Variants in EPHA2 observed in about 807,000 individuals in gnomAD.
EPHA2 encodes the protein EPH receptor A2.
Under a neutral mutation model 104.9 loss-of-function variants are expected in EPHA2, and 54 were observed. The ratio of observed to expected loss-of-function variants is 0.51; its 90% CI spans 0.41 to 0.65. EPHA2 has a LOEUF of 0.65. Among genes scored for constraint, EPHA2 ranks in the 30% least tolerant of loss-of-function variants. The probability of loss-of-function intolerance (pLI) is 0.00; values close to 1 mark genes in which losing one functional copy is unlikely to be tolerated. For missense variants in EPHA2, 1,117 were observed against 1,369.5 expected, an observed-to-expected ratio of 0.82 and a Z score of 2.91; for synonymous variants, 560 against 559.1, an observed-to-expected ratio of 1.00 and a Z score of -0.02.
chr1:16,132,257 A>T lies in EPHA2; in HGVS notation c.2132T>A (p.Phe711Tyr). ...CATGCCCACCAGCTGCAGCACGCTGAACTCGCCATCCTTCTCCTGCCGGAG... is the reference window on the plus strand; with the variant it reads ...CATGCCCACCAGCTGCAGCACGCTGTACTCGCCATCCTTCTCCTGCCGGAG... ...DKFLREKDGE[F>Y]SVLQLVGMLR... The change falls in exon 13 of 17, where the codon TTC (phenylalanine) becomes TAC (tyrosine). Residue 711 changes from phenylalanine to tyrosine, a missense_variant. Physicochemically the swap from Phe to Tyr is conservative, Grantham distance 22. Transcript: ENST00000358432. 1 of 1,614,102 alleles carries T rather than the reference A, an allele frequency of 6.2e-7. No homozygotes were observed. The highest frequency in any genetic ancestry group is 1.3e-5 in the African/African-American group (1 of 75,052).
chr1:16,135,947 T>C lies in EPHA2; in HGVS notation c.1313-177A>G, dbSNP rs1382253329. On this transcript the variant is annotated intron_variant, in intron 5 of 16. Transcript: ENST00000358432. This position sits in a 1 kb window ranked among gnomAD's most constrained non-coding sequence, Gnocchi z 4.3. Reference sequence around the variant, plus strand: ...GTGCAGTGGCATGATCTCGGCCCACTACAGCTTTGAACTCCTGTGCTCAAG... The same window carrying C: ...GTGCAGTGGCATGATCTCGGCCCACCACAGCTTTGAACTCCTGTGCTCAAG... Among the ~76,000 whole-genome samples, 1 of 152,172 alleles carries C rather than the reference T, an allele frequency of 6.6e-6. No individual in the cohort carries two copies. The highest frequency in any genetic ancestry group is 2.4e-5 in the African/African-American group (1 of 41,430).
chr1:16,150,779 G>A lies in EPHA2; in HGVS notation c.153+117C>T. 2 of 1,175,514 alleles carry A rather than the reference G, an allele frequency of 1.7e-6. No individual in the cohort carries two copies. The highest frequency in any genetic ancestry group is 2.3e-5 in the East Asian group (1 of 42,580). 72.8% of individuals were successfully genotyped at this position (1,175,514 alleles called of 1,614,324 possible). A position where few individuals can be genotyped will look rare whatever the true frequency, so the allele number is the denominator to read the frequency against. On this transcript the variant is annotated intron_variant, in intron 2 of 16. Transcript: ENST00000358432. This position sits in a 1 kb window ranked among gnomAD's most constrained non-coding sequence, Gnocchi z 4.8. ...AAGCTGGACCCTGAGCCTGAGACCTGGCTGAGCTGCTGAATTGAAGCCAGG... is the reference window on the plus strand; with the variant it reads ...AAGCTGGACCCTGAGCCTGAGACCTAGCTGAGCTGCTGAATTGAAGCCAGG...
intron 3 of EPHA2, among the ~76,000 whole-genome samples, chr1:16,138,646 T>C (rs987006633): frequency 6.6e-6 from 1 of 152,166 alleles, no homozygotes; most frequent in Non-Finnish European, 1.5e-5. Context: ...TTCACACACA[T>C]GCTGCAAACC....
intron 5 of EPHA2, among the ~76,000 whole-genome samples, chr1:16,136,766 A>AGAAGAAGAAGAAGAG (rs1557507341): frequency 1.3e-5 from 2 of 149,886 alleles, no homozygotes; most frequent in Non-Finnish European, 3.0e-5. Flanking sequence ...AAGAAGAAGA[A>AGAAGAAGAAGAAGAG]GAAGAAGAAC....
In EPHA2 at chr1:16,148,400, C is replaced by G; in HGVS notation, c.801G>C (p.Glu267Asp). The G allele has an allele frequency of 6.2e-7, 1 of 1,613,776 alleles. No homozygotes were observed. The highest frequency in any genetic ancestry group is 1.1e-5 in the South Asian group (1 of 91,088). ...IGQCLCQAGY[E>D]KVEDACQACS... Reference sequence around the variant, plus strand: ...CACCCTGGCAGGCATCCTCCACCTTCTCGTAGCCTGCCTGGCACAGGCACT... The same window carrying G: ...CACCCTGGCAGGCATCCTCCACCTTGTCGTAGCCTGCCTGGCACAGGCACT... Residue 267 changes from glutamate (E) to aspartate (D), a missense_variant, in exon 3 of 17, where the codon GAG becomes GAC. Glu to Asp is a conservative substitution (Grantham distance 45). Coordinates refer to ENST00000358432, the MANE Select transcript of EPHA2 (RefSeq NM_004431.5). The surrounding 1 kb of genome is among the most constrained non-coding windows in gnomAD (Gnocchi z 4.9).
intron 16 of EPHA2, among the ~76,000 whole-genome samples, chr1:16,127,897 G>A (rs1002972783): frequency 1.3e-5 from 2 of 152,180 alleles, no homozygotes; most frequent in Non-Finnish European, 2.9e-5. Context: ...GGAGCACCCT[G>A]GGCTATTTAG....
rs768905364 is a variant in EPHA2 at position 16,148,799 on chromosome 1, G to A, written c.402C>T (p.Phe134=). Residue 134 remains phenylalanine, a synonymous_variant, in exon 3 of 17, where the codon TTC becomes TTT. Transcript: ENST00000358432. The surrounding 1 kb of genome is among the most constrained non-coding windows in gnomAD (Gnocchi z 4.9). ...AESDLDYGTN[F]QKRLFTKIDT... ...CAATCTTGGTGAACAGGCGCTTCTG[G>A]AAGTTGGTGCCGTAGTCCAGGTCCG... 1.2e-6 allele frequency: 2 copies of A among 1,614,154 alleles called. No homozygotes were observed. Among genetic ancestry groups the A allele is most frequent in the South Asian group, 2.2e-5 (2 of 91,090 alleles).
intron 16 of EPHA2, 125 bp downstream of exon 16, chr1:16,129,309 T>C (rs2024527748): frequency 8.1e-7 from 1 of 1,235,670 alleles, no homozygotes; most frequent in African/African-American, 1.5e-5. Context: ...AGGAGCCTCT[T>C]CCCAGAAGAG....
intron 3 of EPHA2, among the ~76,000 whole-genome samples, chr1:16,145,064 C>T (rs551169829): frequency 5.3e-5 from 8 of 152,360 alleles, no homozygotes; most frequent in Admixed American, 2.6e-4. Context: ...CAACTCCCCA[C>T]AACCCCAGCT....
intron 3 of EPHA2, among the ~76,000 whole-genome samples, chr1:16,145,685 G>A (rs1358917993): frequency 6.6e-6 from 1 of 152,062 alleles, no homozygotes; most frequent in Non-Finnish European, 1.5e-5. Flanking sequence ...CCAAGCCCCT[G>A]CAACAGACCC....
rs761494023 is a variant in EPHA2 at position 16,135,701 on chromosome 1, G to A, written c.1382C>T (p.Pro461Leu). 9 of 1,613,748 alleles carry A rather than the reference G, an allele frequency of 5.6e-6. No homozygotes were observed. Among genetic ancestry groups the A allele is most frequent in the African/African-American group, 1.3e-5 (1 of 75,008 alleles). Reference sequence around the variant, plus strand: ...GTACTTCCACACTCGGCTCTGCTGCGGCGGGGGGATGCTCCAGGAGACGCT... The same window carrying A: ...GTACTTCCACACTCGGCTCTGCTGCAGCGGGGGGATGCTCCAGGAGACGCT... Reference protein sequence around the residue: ...SLSVSWSIPPPQQSRVWKYEV... With the variant: ...SLSVSWSIPPLQQSRVWKYEV... The change falls in exon 6 of 17, where the codon CCG becomes CTG. Residue 461 changes from proline (P) to leucine (L), a missense_variant. By Grantham distance (98) the Pro-to-Leu change is moderately conservative (BLOSUM62 -3). Transcript: ENST00000358432. The surrounding 1 kb of genome is among the most constrained non-coding windows in gnomAD (Gnocchi z 4.3).
chr1:16,125,584 G>A lies in EPHA2; in HGVS notation c.2826-264C>T, dbSNP rs960447087. ...AACGACAGAAGCCTCAACTCTGTAC[G>A]ATGCTTTAAAAAAATAAAAATAAAT... On this transcript the variant is annotated intron_variant, in intron 16 of 16. Coordinates refer to ENST00000358432, the MANE Select transcript of EPHA2 (RefSeq NM_004431.5). This position sits in a 1 kb window ranked among gnomAD's most constrained non-coding sequence, Gnocchi z 4.9. Among the ~76,000 whole-genome samples the A allele has an allele frequency of 6.6e-6, 1 of 152,158 alleles. No individual in the cohort carries two copies. The highest frequency in any genetic ancestry group is 2.4e-5 in the African/African-American group (1 of 41,414).
chr1:16,138,325 T>C lies in EPHA2; in HGVS notation c.929A>G (p.Glu310Gly). The C allele has an allele frequency of 6.2e-7, 1 of 1,613,772 alleles. No individual in the cohort carries two copies. Among genetic ancestry groups the C allele is most frequent in the Non-Finnish European group, 8.5e-7 (1 of 1,179,934 alleles). ...SPEGATSCEC[E>G]EGFFRAPQDP... The stretch of plus-strand genomic sequence containing the variant: ...CTGAGGTGCCCGGAAGAAGCCTTCC[T>C]CACACTCGCAGGAGGTGGCACCCTC... The change falls in exon 4 of 17, where the codon GAG becomes GGG. Residue 310 changes from glutamate (E) to glycine (G), a missense_variant. By Grantham distance (98) the Glu-to-Gly change is moderately conservative. Coordinates refer to ENST00000358432, the MANE Select transcript of EPHA2 (RefSeq NM_004431.5).
intron 1 of EPHA2, 62 bp downstream of exon 1, chr1:16,155,786 C>A: frequency 7.9e-7 from 1 of 1,264,822 alleles, no homozygotes; most frequent in South Asian, 2.0e-5. Context: ...CGTCAAGGAG[C>A]GCCGGGCTCT....
At chr1:16,153,934 G>A (rs558583537) in intron 1 of EPHA2, among the ~76,000 whole-genome samples, 26 of 152,132 alleles carry the variant, frequency 1.7e-4, no homozygotes, top group South Asian at 8.3e-4. Flanking sequence ...CTTCTCTAGG[G>A]ACTCTTTCAC....
rs2024641726 is a variant in EPHA2 at position 16,134,415 on chromosome 1, C to T, written c.1682+53G>A. 1.3e-6 allele frequency: 2 copies of T among 1,578,230 alleles called. No homozygotes were observed. Among genetic ancestry groups the T allele is most frequent in the Admixed American group, 1.7e-5 (1 of 59,408 alleles). On this transcript the variant is annotated intron_variant, in intron 8 of 16. Transcript: ENST00000358432. The surrounding 1 kb of genome is among the most constrained non-coding windows in gnomAD (Gnocchi z 4.5). Reference sequence around the variant, plus strand: ...TCAGATGAGGAAATGGAGGTTCCTGCCCCATTTTCCCACCCAAGCCCATGT... The same window carrying T: ...TCAGATGAGGAAATGGAGGTTCCTGTCCCATTTTCCCACCCAAGCCCATGT...
rs1396330580 is a variant in EPHA2, at chr1:16,130,824, T to C, written c.2476-405A>G. ...TTTTAATTTTTTGTAGAGATGGGGTTTCGTCATGTTGTCCAGGCTGGTCTC... is the reference window on the plus strand; with the variant it reads ...TTTTAATTTTTTGTAGAGATGGGGTCTCGTCATGTTGTCCAGGCTGGTCTC... On this transcript the variant is annotated intron_variant, in intron 14 of 16. Transcript: ENST00000358432. The surrounding 1 kb of genome is among the most constrained non-coding windows in gnomAD (Gnocchi z 4.5). Among the ~76,000 whole-genome samples the C allele has an allele frequency of 6.6e-6, 1 of 152,206 alleles. No individual in the cohort carries two copies. The highest frequency in any genetic ancestry group is 3.4e-3 in the Middle Eastern group (1 of 294).
chr1:16,133,143 C>T (rs368913035), intron 11 of EPHA2, 37 bp downstream of exon 11: 3 of 1,610,988 alleles, frequency 1.9e-6, no homozygotes, highest in South Asian at 1.1e-5. Flanking sequence ...GCTAAGTGGC[C>T]CCTCTCCACC....
intron 1 of EPHA2, among the ~76,000 whole-genome samples, chr1:16,155,050 C>T (rs2025126357): frequency 6.6e-6 from 1 of 152,116 alleles, no homozygotes; most frequent in South Asian, 2.1e-4. Flanking sequence ...TCCGGGAACA[C>T]TGGGGCGGGG....
Sources: allele counts gnomAD v4.1 joint callset (sites outside exome capture counted in the v4.1 genomes callset), GRCh38; gene constraint gnomAD v4.1.1; non-coding constraint Gnocchi (gnomAD v3.1); transcripts MANE v1.5; gene names NCBI Gene and HGNC (gene_info 2026-07-23, HGNC 2026-07-21).